The following NRG2 variants were observed in gnomAD, a reference collection of about 807,000 sequenced individuals.
NRG2 encodes pro-neuregulin-2, membrane-bound isoform.
NRG2 carries 27 observed loss-of-function variants against 73.9 expected under a neutral mutation model. The ratio of observed to expected loss-of-function variants is 0.37; its 90% CI spans 0.27 to 0.50. The LOEUF (loss-of-function observed/expected upper bound fraction) is 0.50, where lower values mean the gene tolerates loss of function less well. Ranked by LOEUF, NRG2 falls within the 20% of genes least tolerant of loss-of-function variation. The probability of loss-of-function intolerance (pLI) is 0.96; values close to 1 mark genes in which losing one functional copy is unlikely to be tolerated. For synonymous variants in NRG2, 532 were observed against 541.0 expected, an observed-to-expected ratio of 0.98 and a Z score of 0.23; for missense variants, 1,126 against 1,210.1, an observed-to-expected ratio of 0.93 and a Z score of 1.03.
intron 3 of NRG2, among the ~76,000 whole-genome samples, chr5:139,873,759 C>T (rs990356108): frequency 1.3e-5 from 2 of 152,256 alleles, no homozygotes; most frequent in Admixed American, 1.3e-4. Flanking sequence ...TTGTTTCACC[C>T]CAGTCGAGTG....
chr5:139,885,180 T>C (rs1053016486), intron 2 of NRG2, among the ~76,000 whole-genome samples: 2 of 152,118 alleles, frequency 1.3e-5, no homozygotes, highest in Non-Finnish European at 2.9e-5. Context: ...CTCAGATTCT[T>C]AAAGCAACAG....
At position 139,904,589 on chromosome 5, in the gene NRG2, G is replaced by T. The variant is rs796293476; in HGVS notation, c.701-17078C>A. On this transcript the variant is annotated intron_variant, in intron 1 of 9. Transcript: ENST00000361474. This position sits in a 1 kb window ranked among gnomAD's most constrained non-coding sequence, Gnocchi z 6.0. ...ACCCTCGCCCCCCCTCCACCGGCTC[G>T]GGCCGCGGGGGCGTGTGGGCGGCCG... Among the ~76,000 whole-genome samples, 14 of 151,990 alleles carry T rather than the reference G, an allele frequency of 9.2e-5. No homozygotes were observed. The highest frequency in any genetic ancestry group is 2.1e-4 in the Non-Finnish European group (14 of 67,930).
intron 1 of NRG2, among the ~76,000 whole-genome samples, chr5:139,959,434 T>C (rs1037239642): frequency 7.1e-4 from 108 of 152,332 alleles, no homozygotes; most frequent in African/African-American, 2.4e-3. Flanking sequence ...TGGAGTGCAA[T>C]GGCGTGATCT....
chr5:139,883,618 C>T (rs1488197383), intron 2 of NRG2, among the ~76,000 whole-genome samples: 3 of 152,122 alleles, frequency 2.0e-5, no homozygotes, highest in East Asian at 1.9e-4. Flanking sequence ...AGACAGAGAA[C>T]ATTTTGCCAG....
chr5:140,009,533 C>A (rs928390750), intron 1 of NRG2, among the ~76,000 whole-genome samples: 1 of 152,164 alleles, frequency 6.6e-6, no homozygotes, highest in African/African-American at 2.4e-5. Context: ...TGAAATTGCT[C>A]GATCTTACGG....
intron 3 of NRG2, among the ~76,000 whole-genome samples, chr5:139,875,797 C>T (rs949501001): frequency 6.6e-6 from 1 of 152,154 alleles, no homozygotes; most frequent in Admixed American, 6.5e-5. Context: ...TCTGAGATAC[C>T]ACTTTCACTA....
At chr5:139,942,624 A>G (rs1288468282) in intron 1 of NRG2, among the ~76,000 whole-genome samples, 2 of 152,212 alleles carry the variant, frequency 1.3e-5, no homozygotes, top group Non-Finnish European at 2.9e-5. Flanking sequence ...GCCTAGGAAA[A>G]CCACTCAAAA....
chr5:140,010,442 A>T (rs891585167), intron 1 of NRG2, among the ~76,000 whole-genome samples: 3 of 152,220 alleles, frequency 2.0e-5, no homozygotes, highest in African/African-American at 7.2e-5. Context: ...TAGGCTTATC[A>T]ATTGTAACAA....
chr5:139,996,947 C>T (rs1197545943), intron 1 of NRG2, among the ~76,000 whole-genome samples: 1 of 152,174 alleles, frequency 6.6e-6, no homozygotes, highest in Non-Finnish European at 1.5e-5. Flanking sequence ...TCAAGACCAG[C>T]CTGGGCAACA....
Position 139,899,809 on chromosome 5 carries a change from G to A in NRG2, c.701-12298C>T, listed in dbSNP as rs562063971. ...CTGCCTCTCCCTGGTTTTTGTTGAG[G>A]GGCATGGAAGAGCCCAGAGCCAGGT... On this transcript the variant is annotated intron_variant, in intron 1 of 9. Transcript: ENST00000361474. Among the ~76,000 whole-genome samples, 8 of 152,244 alleles carry A rather than the reference G, an allele frequency of 5.3e-5. No homozygotes were observed. In the East Asian group the frequency reaches 1.5e-3, roughly 29 times the overall value.
At chr5:140,025,067 G>A (rs114851242) in intron 1 of NRG2, among the ~76,000 whole-genome samples, 1,936 of 152,234 alleles carry the variant, frequency 0.013, 34 homozygotes, top group African/African-American at 0.044. Context: ...AACCCAGGGA[G>A]GCTGATTTCC....
chr5:139,959,685 G>T (rs531929808), intron 1 of NRG2, among the ~76,000 whole-genome samples: 5 of 149,338 alleles, frequency 3.3e-5, no homozygotes, highest in African/African-American at 7.5e-5. Context: ...TTTTTTTTTT[G>T]GATTTTTAGT....
rs925197316 is a variant in NRG2 at position 139,853,410 on chromosome 5, T to G, written c.1293-383A>C. On this transcript the variant is annotated intron_variant, in intron 6 of 9. Transcript: ENST00000361474. The surrounding 1 kb of genome is among the most constrained non-coding windows in gnomAD (Gnocchi z 4.1). ...GCACAGTGCTGACTCCCTCTCTCTC[T>G]CCCTCATTCATTAATTTGGTATGTA... 6.6e-6 allele frequency among the ~76,000 whole-genome samples: 1 copy of G among 152,200 alleles called. No individual in the cohort carries two copies. The highest frequency in any genetic ancestry group is 2.4e-5 in the African/African-American group (1 of 41,444).
At chr5:139,990,653 A>C (rs1214393467) in intron 1 of NRG2, among the ~76,000 whole-genome samples, 1 of 152,172 alleles carries the variant, frequency 6.6e-6, no homozygotes, top group Non-Finnish European at 1.5e-5. Context: ...TTCTTTTTCC[A>C]ACACTGGCAT....
chr5:139,988,680 G>A (rs893416340), intron 1 of NRG2, among the ~76,000 whole-genome samples: 1 of 152,016 alleles, frequency 6.6e-6, no homozygotes, highest in East Asian at 1.9e-4. Context: ...TTTCAGGGCA[G>A]TGAAAATACT....
intron 2 of NRG2, among the ~76,000 whole-genome samples, chr5:139,886,637 G>A (rs1763890877): frequency 6.6e-6 from 1 of 152,190 alleles, no homozygotes. Context: ...TCCTTGAGAG[G>A]CAGCAGAGAG....
At chr5:139,940,984 G>A (rs1274141983) in intron 1 of NRG2, among the ~76,000 whole-genome samples, 2 of 152,078 alleles carry the variant, frequency 1.3e-5, no homozygotes, top group South Asian at 2.1e-4. Flanking sequence ...AGGACAGTAA[G>A]GAATTAGCCA....
intron 1 of NRG2, among the ~76,000 whole-genome samples, chr5:139,953,657 A>G (rs966607055): frequency 6.6e-6 from 1 of 152,206 alleles, no homozygotes; most frequent in Non-Finnish European, 1.5e-5. Context: ...CCTGGAGGCT[A>G]TGGGGTCTCA....
chr5:140,039,649 G>A (rs1392234428), intron 1 of NRG2, among the ~76,000 whole-genome samples: 1 of 151,916 alleles, frequency 6.6e-6, no homozygotes, highest in Non-Finnish European at 1.5e-5. Flanking sequence ...TGCTCCTGAG[G>A]CCAATTTTTA....
Sources: gnomAD v4.1 joint callset for allele counts (sites outside exome capture counted in the v4.1 genomes callset) on GRCh38, gnomAD v4.1.1 for gene constraint, Gnocchi (gnomAD v3.1) non-coding constraint, MANE v1.5 for transcripts, NCBI Gene and HGNC (gene_info 2026-07-23, HGNC 2026-07-21) for gene names.